MYT1L: variants seen among roughly 807,000 people sequenced by gnomAD.
The protein encoded by MYT1L is myelin transcription factor 1-like protein.
A neutral mutation model predicts 126.7 loss-of-function variants in MYT1L; 12 were observed. The ratio of observed to expected loss-of-function variants is 0.09; its 90% CI spans 0.06 to 0.15. The LOEUF (loss-of-function observed/expected upper bound fraction) is 0.15. MYT1L is among the 10% of genes least tolerant of loss of function. The pLI is 1.00. For synonymous variants in MYT1L, 541 were observed against 604.2 expected (o/e 0.90, Z 1.53); for missense variants, 979 against 1,585.2 (o/e 0.62, Z 6.49).
intron 21 of MYT1L, among the ~76,000 whole-genome samples, chr2:1,823,927 G>A (rs1045094240): frequency 1.3e-5 from 2 of 152,232 alleles, no homozygotes; most frequent in African/African-American, 4.8e-5. Context: ...GGTGTCCAGT[G>A]ACCATTACGT....
intron 2 of MYT1L, among the ~76,000 whole-genome samples, chr2:2,242,290 T>A (rs2094454602): frequency 6.6e-6 from 1 of 152,048 alleles, no homozygotes; most frequent in Non-Finnish European, 1.5e-5. Flanking sequence ...ATCTCCCAAA[T>A]GGAAAAATGA....
chr2:2,189,259 A>C (rs112807246), intron 2 of MYT1L, among the ~76,000 whole-genome samples: 1 of 152,158 alleles, frequency 6.6e-6, no homozygotes, highest in Non-Finnish European at 1.5e-5. Flanking sequence ...GTTGCTCACA[A>C]TGTTCTCCTG....
At chr2:2,188,049 C>T (rs1310361248) in intron 2 of MYT1L, among the ~76,000 whole-genome samples, 1 of 152,088 alleles carries the variant, frequency 6.6e-6, no homozygotes, top group Admixed American at 6.5e-5. Context: ...CATAATAACA[C>T]TTAATGGCAA....
At chr2:2,303,322 G>A (rs1285374280) in intron 1 of MYT1L, among the ~76,000 whole-genome samples, 1 of 152,172 alleles carries the variant, frequency 6.6e-6, no homozygotes, top group Non-Finnish European at 1.5e-5. Flanking sequence ...TTCCGCGGGG[G>A]CACCTTTACT....
intron 3 of MYT1L, among the ~76,000 whole-genome samples, chr2:2,113,729 C>T (rs1197512920): frequency 2.0e-5 from 3 of 151,992 alleles, no homozygotes; most frequent in Non-Finnish European, 4.4e-5. Flanking sequence ...GCCTCCATTA[C>T]ACAGATAGGA....
chr2:1,953,461 C>T (rs1558520628), intron 8 of MYT1L, among the ~76,000 whole-genome samples: 1 of 152,266 alleles, frequency 6.6e-6, no homozygotes, highest in East Asian at 1.9e-4. Context: ...TCTCAAGTTC[C>T]CCCTTCTCCA....
At chr2:1,908,820 G>A (rs2051478457) in intron 13 of MYT1L, among the ~76,000 whole-genome samples, 1 of 152,148 alleles carries the variant, frequency 6.6e-6, no homozygotes, top group Non-Finnish European at 1.5e-5. Flanking sequence ...TGGGTGCTCT[G>A]GGGGCACTTC....
intron 1 of MYT1L, among the ~76,000 whole-genome samples, chr2:2,309,107 C>A (rs2095909318): frequency 6.6e-6 from 1 of 151,660 alleles, no homozygotes; most frequent in Non-Finnish European, 1.5e-5. Context: ...GTGTACTCTA[C>A]TCATACTCCA....
chr2:2,045,419 T>C (rs544167278), intron 4 of MYT1L, among the ~76,000 whole-genome samples: 3 of 152,174 alleles, frequency 2.0e-5, no homozygotes, highest in Non-Finnish European at 4.4e-5. Context: ...TGCAGAGCCA[T>C]GCAGGGGCCA....
chr2:1,893,532 C>T (rs931190895), intron 14 of MYT1L, among the ~76,000 whole-genome samples: 4 of 152,120 alleles, frequency 2.6e-5, no homozygotes, highest in Non-Finnish European at 4.4e-5. Context: ...CTGCCCTAGT[C>T]CTAATCGGCA....
chr2:1,822,342 T>C (rs1012721728), intron 21 of MYT1L, among the ~76,000 whole-genome samples: 6 of 152,244 alleles, frequency 3.9e-5, no homozygotes, highest in Non-Finnish European at 8.8e-5. Flanking sequence ...CTGCAGAGCT[T>C]GGCTAGGATT....
intron 9 of MYT1L, among the ~76,000 whole-genome samples, chr2:1,931,628 C>A (rs971203653): frequency 6.6e-6 from 1 of 152,108 alleles, no homozygotes; most frequent in Admixed American, 6.5e-5. Context: ...GAAAATTACC[C>A]AAAATACACT....
chr2:1,846,166 T>A (rs922116158), intron 19 of MYT1L, among the ~76,000 whole-genome samples: 1 of 152,218 alleles, frequency 6.6e-6, no homozygotes, highest in African/African-American at 2.4e-5. Flanking sequence ...TCAGTTTCCC[T>A]TAATTGTGCA....
chr2:2,055,860 T>C (rs2069466362), intron 3 of MYT1L, among the ~76,000 whole-genome samples: 1 of 152,240 alleles, frequency 6.6e-6, no homozygotes, highest in Admixed American at 6.5e-5. Context: ...CTTGTTAGCA[T>C]GTTCTATAGA....
intron 18 of MYT1L, among the ~76,000 whole-genome samples, chr2:1,880,104 T>C (rs2047346988): frequency 6.6e-6 from 1 of 152,184 alleles, no homozygotes; most frequent in Non-Finnish European, 1.5e-5. Context: ...TCCCTACCTC[T>C]GAGTTCAATC....
intron 8 of MYT1L, chr2:1,974,626 CTGCTGGGCAATG>C (rs1473472985): frequency 2.6e-5 from 4 of 152,166 alleles, no homozygotes; most frequent in Non-Finnish European, 4.4e-5. Context: ...GCTTGGATCC[CTGCTGGGCAATG>C]TGTGGGATGG....
At chr2:2,091,121 T>G (rs1361572753) in intron 3 of MYT1L, among the ~76,000 whole-genome samples, 1 of 152,222 alleles carries the variant, frequency 6.6e-6, no homozygotes, top group Non-Finnish European at 1.5e-5. Context: ...AATTGTGAAT[T>G]CTTTCCAGAA....
intron 2 of MYT1L, among the ~76,000 whole-genome samples, chr2:2,249,678 A>G (rs1360280007): frequency 2.0e-5 from 3 of 152,164 alleles, no homozygotes; most frequent in Admixed American, 6.5e-5. Context: ...GACAAATGGA[A>G]TCACATCAAG....
At chr2:1,821,152 C>T (rs1055810258) in intron 21 of MYT1L, among the ~76,000 whole-genome samples, 21 of 152,236 alleles carry the variant, frequency 1.4e-4, no homozygotes, top group African/African-American at 5.1e-4. Context: ...GATTGCGTGG[C>T]TACTCAACGA....
Sources: allele counts gnomAD v4.1 joint callset (sites outside exome capture counted in the v4.1 genomes callset), GRCh38; gene constraint gnomAD v4.1.1; transcripts MANE v1.5; gene names NCBI Gene and HGNC (gene_info 2026-07-23, HGNC 2026-07-21).